PPP2R5C: variants seen among roughly 807,000 people sequenced by gnomAD.
PPP2R5C encodes the protein protein phosphatase 2 regulatory subunit B'gamma, also known as serine/threonine-protein phosphatase 2A 56 kDa regulatory subunit gamma isoform.
Under a neutral mutation model 68.9 loss-of-function variants are expected in PPP2R5C, and 7 were observed. The ratio of observed to expected loss-of-function variants is 0.10; its 90% CI spans 0.06 to 0.19. The LOEUF (loss-of-function observed/expected upper bound fraction) is 0.19. Ranked by LOEUF, PPP2R5C falls within the 10% of genes least tolerant of loss-of-function variation. The pLI is 1.00. For missense variants in PPP2R5C, 348 were observed against 641.3 expected (o/e 0.54, Z 4.94); for synonymous variants, 210 against 222.2 (o/e 0.95, Z 0.49).
chr14:101,814,492 A>G (rs1045712368), intron 1 of PPP2R5C, among the ~76,000 whole-genome samples: 1 of 152,210 alleles, frequency 6.6e-6, no homozygotes, highest in Non-Finnish European at 1.5e-5. Flanking sequence ...ACACACATTT[A>G]TGCTCATAAA....
At chr14:101,791,993 C>G (rs1050526079) in intron 3 of PPP2R5C, among the ~76,000 whole-genome samples, 44 of 152,202 alleles carry the variant, frequency 2.9e-4, no homozygotes, top group Middle Eastern at 3.4e-3. Flanking sequence ...TTTGCTCTGC[C>G]AGACACCTGG....
At position 101,819,424 on chromosome 14, in the gene PPP2R5C, T is replaced by C. The variant is rs987728286; in HGVS notation, c.94+9388T>C. ...GTGGTGCAAAGGCAATGGTGAGGAA[T>C]ATGGCGCCTTTCTTTCATCGAGCAG... is the stretch of plus-strand genomic sequence containing the variant. On this transcript the variant is annotated intron_variant, in intron 1 of 13. Coordinates refer to ENST00000334743, the Ensembl canonical transcript of PPP2R5C. 2.1e-5 allele frequency: 5 copies of C among 237,982 alleles called. No individual in the cohort carries two copies. In the South Asian group the frequency reaches 2.6e-4, roughly 12 times the overall value. 14.7% of individuals were successfully genotyped at this position (237,982 alleles called of 1,614,324 possible). A position where few individuals can be genotyped will look rare whatever the true frequency, so the allele number is the denominator to read the frequency against.
At position 101,915,502 on chromosome 14, in the gene PPP2R5C, G is replaced by C. The variant is rs1393209715; in HGVS notation, c.1327-2329G>C. 6.6e-6 allele frequency among the ~76,000 whole-genome samples: 1 copy of C among 152,086 alleles called. No individual in the cohort carries two copies. Among genetic ancestry groups the C allele is most frequent in the Non-Finnish European group, 1.5e-5 (1 of 68,012 alleles). On this transcript the variant is annotated intron_variant, in intron 12 of 13. Coordinates refer to ENST00000334743, the Ensembl canonical transcript of PPP2R5C. The surrounding 1 kb of genome is among the most constrained non-coding windows in gnomAD (Gnocchi z 4.2). ...AGGGACACTCTCCTTTGCCCCGAGG[G>C]CCAGAGAGCCGTGCTCCAAGCGGAG...
chr14:101,855,828 A>G (rs1167141026), intron 1 of PPP2R5C, among the ~76,000 whole-genome samples: 1 of 152,218 alleles, frequency 6.6e-6, no homozygotes, highest in African/African-American at 2.4e-5. Flanking sequence ...TCCACTTGCC[A>G]GCACTGAGTG....
chr14:101,866,845 G>T (rs573917658), intron 2 of PPP2R5C, among the ~76,000 whole-genome samples: 2 of 152,106 alleles, frequency 1.3e-5, no homozygotes, highest in African/African-American at 4.8e-5. Flanking sequence ...ACTTTGGGAG[G>T]CCAGGGCAGG....
At position 101,868,863 on chromosome 14, in the gene PPP2R5C, C is replaced by T. The variant is rs182519337; in HGVS notation, c.294+11978C>T. Among the ~76,000 whole-genome samples the T allele has an allele frequency of 2.1e-3, 315 of 152,268 alleles. 1 individual carries two copies. The highest frequency in any genetic ancestry group is 7.2e-3 in the African/African-American group (300 of 41,548). The stretch of plus-strand genomic sequence containing the variant: ...GAACTTTGATAAATGTGTATAGTCA[C>T]GTCTTCCGCACCACAGTCAGGATAT... On this transcript the variant is annotated intron_variant, in intron 2 of 13. Transcript: ENST00000334743.
chr14:101,914,070 G>A (rs1206172051), intron 12 of PPP2R5C: 5 of 438,984 alleles, frequency 1.1e-5, no homozygotes, highest in African/African-American at 2.0e-5. Context: ...TCTGAAATAC[G>A]TATTGTTCTC....
upstream of PPP2R5C, among the ~76,000 whole-genome samples, chr14:101,809,097 C>T (rs1175899604): frequency 6.6e-6 from 1 of 152,048 alleles, no homozygotes; most frequent in African/African-American, 2.4e-5. Flanking sequence ...TTTAATATGT[C>T]AGCATATTTG....
upstream of PPP2R5C, among the ~76,000 whole-genome samples, chr14:101,808,386 A>G (rs1486064013): frequency 6.6e-6 from 1 of 152,134 alleles, no homozygotes; most frequent in Admixed American, 6.5e-5. Context: ...TGTGTTAGAA[A>G]TCACATCATC....
rs116442800 is a variant in PPP2R5C at position 101,880,496 on chromosome 14, G to A, written c.295-1665G>A. 3.9e-3 allele frequency among the ~76,000 whole-genome samples: 592 copies of A among 152,298 alleles called. 2 individuals are homozygous for A. The highest frequency in any genetic ancestry group is 0.014 in the African/African-American group (569 of 41,558). Reference sequence around the variant, plus strand: ...GGTTTGGAGTTCAGTATCAATACCAGTAAAGAAGGGAAGAAACAGGCAGGT... The same window carrying A: ...GGTTTGGAGTTCAGTATCAATACCAATAAAGAAGGGAAGAAACAGGCAGGT... On this transcript the variant is annotated intron_variant, in intron 2 of 13. Coordinates refer to ENST00000334743, the Ensembl canonical transcript of PPP2R5C.
At chr14:101,768,872 T>A (rs36062046) in intron 2 of PPP2R5C, among the ~76,000 whole-genome samples, 254 of 151,534 alleles carry the variant, frequency 1.7e-3, no homozygotes, top group Non-Finnish European at 2.6e-3. Context: ...TCACCCAGGC[T>A]GGAGTGCAGT....
intron 2 of PPP2R5C, among the ~76,000 whole-genome samples, chr14:101,764,801 CT>C (rs34973768): frequency 0.036 from 4,668 of 129,278 alleles, 128 homozygotes; most frequent in African/African-American, 0.094. Context: ...TGCTATATGC[CT>C]TTTTTTTTTT....
intron 2 of PPP2R5C, among the ~76,000 whole-genome samples, chr14:101,763,214 G>C (rs187921686): frequency 6.6e-6 from 1 of 151,400 alleles, no homozygotes; most frequent in African/African-American, 2.4e-5. Context: ...GTCTTTTGGG[G>C]TTTTTTTTGT....
chr14:101,763,403 A>T lies in PPP2R5C; in HGVS notation c.93+433A>T, dbSNP rs555024649. ...ACCCAACAAATTTTTTTTTTTTTTTAATAGAGTCTCACTCTGTCACCCAGG... is the reference window on the plus strand; with the variant it reads ...ACCCAACAAATTTTTTTTTTTTTTTTATAGAGTCTCACTCTGTCACCCAGG... On this transcript the variant is annotated intron_variant, in intron 2 of 14. Coordinates refer to the PPP2R5C transcript ENST00000328724. Among the ~76,000 whole-genome samples the T allele has an allele frequency of 3.3e-3, 469 of 142,746 alleles. 1 individual carries two copies. The highest frequency in any genetic ancestry group is 0.011 in the African/African-American group (401 of 37,376). 93.6% of individuals were successfully genotyped at this position (142,746 alleles called of 152,430 possible). A position where few individuals can be genotyped will look rare whatever the true frequency, so the allele number is the denominator to read the frequency against.
exon 14 of PPP2R5C, chr14:101,927,177 T>G (rs1222647600): frequency 6.6e-6 from 1 of 152,194 alleles, no homozygotes; most frequent in East Asian, 1.9e-4. Context: ...GAGAGGTTTC[T>G]GGGAAGACTC....
At chr14:101,894,097 T>C (rs2140978921) in intron 7 of PPP2R5C, among the ~76,000 whole-genome samples, 1 of 152,276 alleles carries the variant, frequency 6.6e-6, no homozygotes, top group East Asian at 1.9e-4. Context: ...TCTTAACTGG[T>C]AATATCTTTG....
chr14:101,879,470 A>G lies in PPP2R5C; in HGVS notation c.295-2691A>G, dbSNP rs1352472554. 1 of 152,710 alleles carries G rather than the reference A, an allele frequency of 6.5e-6. No individual in the cohort carries two copies. Among genetic ancestry groups the G allele is most frequent in the African/African-American group, 2.4e-5 (1 of 41,460 alleles). 9.5% of individuals were successfully genotyped at this position (152,710 alleles called of 1,614,324 possible). On this transcript the variant is annotated intron_variant, in intron 2 of 13. Transcript: ENST00000334743. This position sits in a 1 kb window ranked among gnomAD's most constrained non-coding sequence, Gnocchi z 4.2. ...GGGCAGCCCCAGAAACCTCGGAAGCAGTGACCGTGCTTTCCTTCCAGGCGC... is the reference window on the plus strand; with the variant it reads ...GGGCAGCCCCAGAAACCTCGGAAGCGGTGACCGTGCTTTCCTTCCAGGCGC...
chr14:101,889,220 T>C (rs957862788), intron 5 of PPP2R5C, among the ~76,000 whole-genome samples: 4 of 152,246 alleles, frequency 2.6e-5, no homozygotes, highest in African/African-American at 9.6e-5. Context: ...TCAAACTTAT[T>C]TTTGGCTTAG....
At chr14:101,927,331 C>T (rs971995167) in exon 14 of PPP2R5C, 1 of 152,532 alleles carries the variant, frequency 6.6e-6, no homozygotes, top group Non-Finnish European at 1.5e-5. Flanking sequence ...TAAAAGTTTT[C>T]AGAGAAACTA....
Sources: allele counts gnomAD v4.1 joint callset (sites outside exome capture counted in the v4.1 genomes callset), GRCh38; gene constraint gnomAD v4.1.1; non-coding constraint Gnocchi (gnomAD v3.1); transcripts MANE v1.5; gene names NCBI Gene and HGNC (gene_info 2026-07-23, HGNC 2026-07-21).